The following MACF1 variants were observed in gnomAD, a reference collection of about 807,000 sequenced individuals.
MACF1 encodes the protein microtubule-actin cross-linking factor 1.
A neutral mutation model predicts 854.8 loss-of-function variants in MACF1; 193 were observed. The ratio of observed to expected loss-of-function variants is 0.23; its 90% CI spans 0.20 to 0.25. MACF1 has a LOEUF of 0.25. MACF1 is among the 10% of genes least tolerant of loss of function. MACF1 has a pLI of 1.00. For missense variants in MACF1, 7,722 were observed against 8,929.1 expected (o/e 0.86, Z 5.45); for synonymous variants, 3,185 against 3,226.7 (o/e 0.99, Z 0.44).
At chr1:39,372,736 G>A in intron 52 of MACF1, 140 bp downstream of exon 52, 2 of 657,576 alleles carry the variant, frequency 3.0e-6, no homozygotes, top group Non-Finnish European at 5.4e-6. Context: ...GTCTTCCCCT[G>A]CAACCTGACC....
At chr1:39,254,543 T>A in intron 5 of MACF1, 168 bp downstream of exon 5, 1 of 607,972 alleles carries the variant, frequency 1.6e-6, no homozygotes, top group Non-Finnish European at 2.9e-6. Context: ...GTTAGAGAAA[T>A]CATTCAGTAC....
intron 47 of MACF1, among the ~76,000 whole-genome samples, chr1:39,360,013 ATAT>A (rs1341172378): frequency 1.1e-3 from 23 of 20,954 alleles, no homozygotes; most frequent in African/African-American, 1.5e-3. Context: ...AAAAAAAAAA[ATAT>A]ATATATATAT....
chr1:39,259,593 C>CTTTTCTT lies in MACF1; in HGVS notation c.528+1576_528+1582dup, dbSNP rs1269041173. 4.6e-5 allele frequency among the ~76,000 whole-genome samples: 7 copies of CTTTTCTT among 150,888 alleles called. No homozygotes were observed. The East Asian group carries it at 1.2e-3, about 26-fold the overall frequency. On this transcript the variant is annotated intron_variant, in intron 6 of 100. Coordinates refer to ENST00000564288, the MANE Select transcript of MACF1 (RefSeq NM_001394062.1). ...AATGTTTAAATAGAGAAAACATTTT[C>CTTTTCTT]TTTTCTTTTTTCTTTTTCTTTTTCT...
intron 58 of MACF1, among the ~76,000 whole-genome samples, chr1:39,421,378 A>G (rs1318036349): frequency 1.3e-5 from 2 of 152,212 alleles, no homozygotes; most frequent in African/African-American, 2.4e-5. Context: ...GTAAATCTGT[A>G]TCTTACTCAG....
At chr1:39,229,605 A>G (rs917344832) in intron 1 of MACF1, among the ~76,000 whole-genome samples, 1 of 152,154 alleles carries the variant, frequency 6.6e-6, no homozygotes, top group Non-Finnish European at 1.5e-5. Flanking sequence ...CAGTTATGGT[A>G]ATTTAGGTTT....
intron 6 of MACF1, among the ~76,000 whole-genome samples, chr1:39,277,845 A>G (rs556068359): frequency 6.6e-6 from 1 of 152,228 alleles, no homozygotes; most frequent in Non-Finnish European, 1.5e-5. Flanking sequence ...ATTTAAGCAC[A>G]GCTCCTAGAA....
chr1:39,103,187 A>C (rs996018603), intron 2 of MACF1: 1 of 372,434 alleles, frequency 2.7e-6, no homozygotes, highest in African/African-American at 2.1e-5. Context: ...CAACGCCCCC[A>C]GGTCTTCTCT....
At chr1:39,467,144 A>G (rs1424969505) in intron 95 of MACF1, among the ~76,000 whole-genome samples, 3 of 152,196 alleles carry the variant, frequency 2.0e-5, no homozygotes, top group Non-Finnish European at 4.4e-5. Context: ...AGACGGGCAG[A>G]TCACGAGGTC....
chr1:39,359,002 T>A lies in MACF1; in HGVS notation c.12120+129T>A, dbSNP rs966222055. On this transcript the variant is annotated intron_variant, in intron 46 of 100. Coordinates refer to ENST00000564288, the MANE Select transcript of MACF1 (RefSeq NM_001394062.1). Reference sequence around the variant, plus strand: ...TGGGATGCCTTGGACAAGATCTGAGTGCTAAACACTTGCTTCTAATATTTA... The same window carrying A: ...TGGGATGCCTTGGACAAGATCTGAGAGCTAAACACTTGCTTCTAATATTTA... The A allele has an allele frequency of 2.1e-6, 3 of 1,400,040 alleles. No homozygotes were observed. In the African/African-American group the frequency reaches 4.3e-5, roughly 20 times the overall value. The allele number at this position is 1,400,040 out of a possible 1,614,324, so 86.7% of individuals were successfully genotyped here.
chr1:39,341,129 G>A (rs930053216), intron 40 of MACF1, among the ~76,000 whole-genome samples, 176 bp downstream of exon 40: 1 of 151,512 alleles, frequency 6.6e-6, no homozygotes, highest in African/African-American at 2.4e-5. Context: ...CGCCTCCTGG[G>A]TTCAAGCGAT....
intron 97 of MACF1, among the ~76,000 whole-genome samples, chr1:39,473,897 G>A (rs147625868): frequency 6.6e-6 from 1 of 152,316 alleles, no homozygotes; most frequent in African/African-American, 2.4e-5. Context: ...TAAAATGAAT[G>A]GTTGAGAGAG....
intron 84 of MACF1, 26 bp downstream of exon 84, chr1:39,448,789 G>A (rs749341633): frequency 5.9e-5 from 91 of 1,537,274 alleles, no homozygotes; most frequent in Non-Finnish European, 7.9e-5. Context: ...CCCTTCAGGG[G>A]TCTAACCGGG....
chr1:39,309,704 T>C lies in MACF1; in HGVS notation c.2916+8T>C. The stretch of plus-strand genomic sequence containing the variant: ...ACCTGGAACCTAGAAAAGGTAATTA[T>C]GAAAACCTTACCCCAGGCTTACATT... On this transcript the variant is annotated splice_region_variant and intron_variant, in intron 24 of 100. Transcript: ENST00000564288. 6.2e-7 allele frequency: 1 copy of C among 1,608,252 alleles called. No homozygotes were observed. Among genetic ancestry groups the C allele is most frequent in the Non-Finnish European group, 8.5e-7 (1 of 1,178,306 alleles).
chr1:39,461,724 G>A (rs893634813), intron 92 of MACF1, among the ~76,000 whole-genome samples, 159 bp from the exon 93 acceptor site: 3 of 149,208 alleles, frequency 2.0e-5, no homozygotes, highest in Non-Finnish European at 3.0e-5. Flanking sequence ...CCAGGGAGAC[G>A]GAAGTTGCAG....
At chr1:39,171,138 C>T (rs17502518) in intron 2 of MACF1, among the ~76,000 whole-genome samples, 4,040 of 151,916 alleles carry the variant, frequency 0.027, 90 homozygotes, top group Middle Eastern at 0.082. Context: ...ATTTAACAGA[C>T]GTTGGGACTT....
chr1:39,197,360 G>A lies in MACF1; in HGVS notation c.221-33822G>A, dbSNP rs550778003. ...TAAATTACTTTGGTTATCTTTCATT[G>A]TCTTCTCTAATAATAAATGTAGGTT... On this transcript the variant is annotated intron_variant, in intron 2 of 93. Transcript: ENST00000361689. Among the ~76,000 whole-genome samples the A allele has an allele frequency of 2.0e-5, 3 of 152,030 alleles. No individual in the cohort carries two copies. The South Asian group carries it at 6.2e-4, about 32-fold the overall frequency.
chr1:39,357,912 G>C lies in MACF1; in HGVS notation c.11943+19G>C. ...CTCAAAGGTAAGGGGGCAGTTCCTG[G>C]CATCCTTGGTGAAACAATCATGGCA... is the stretch of plus-strand genomic sequence containing the variant. On this transcript the variant is annotated intron_variant, in intron 45 of 100. Transcript: ENST00000564288. 1.9e-6 allele frequency: 3 copies of C among 1,586,212 alleles called. No individual in the cohort carries two copies. The highest frequency in any genetic ancestry group is 2.6e-6 in the Non-Finnish European group (3 of 1,167,610).
At chr1:39,153,671 C>T (rs911380098) in intron 2 of MACF1, among the ~76,000 whole-genome samples, 1 of 152,210 alleles carries the variant, frequency 6.6e-6, no homozygotes, top group Non-Finnish European at 1.5e-5. Context: ...ACTTAATTTC[C>T]TTTAAAGCCT....
intron 24 of MACF1, 89 bp downstream of exon 24, chr1:39,309,785 C>T (rs1417874125): frequency 7.0e-7 from 1 of 1,433,862 alleles, no homozygotes; most frequent in Non-Finnish European, 9.5e-7. Context: ...GACTTTTCCC[C>T]ACCCAAATGG....
Sources: gnomAD v4.1 joint callset for allele counts (sites outside exome capture counted in the v4.1 genomes callset) on GRCh38, gnomAD v4.1.1 for gene constraint, MANE v1.5 for transcripts, NCBI Gene and HGNC (gene_info 2026-07-23, HGNC 2026-07-21) for gene names.